TBC1D16: variants seen among roughly 807,000 people sequenced by gnomAD.
The protein encoded by TBC1D16 is CTD-2529O21.1.
A neutral mutation model predicts 74.7 loss-of-function variants in TBC1D16; 58 were observed. That is an observed-to-expected ratio of 0.78 (90% CI 0.63 to 0.97). The LOEUF is 0.97. Ranked by LOEUF, TBC1D16 falls within the 50% of genes least tolerant of loss-of-function variation. The probability of loss-of-function intolerance (pLI) is 0.00; values close to 1 mark genes in which losing one functional copy is unlikely to be tolerated. For missense variants in TBC1D16, 1,014 were observed against 1,079.5 expected, an observed-to-expected ratio of 0.94 and a Z score of 0.85; for synonymous variants, 493 against 474.7, an observed-to-expected ratio of 1.04 and a Z score of -0.50.
Position 79,937,185 on chromosome 17 carries a change from T to G in TBC1D16, c.*3674A>C, listed in dbSNP as rs1456466840. On this transcript the variant is annotated 3_prime_UTR_variant, in exon 12 of 12. Transcript: ENST00000310924. ...CCCAGAGGGCACAGCTTGGGCAGAT[T>G]CCCATCATCTAGGGGCTGTGCCCCA... 1 of 116,764 alleles carries G rather than the reference T, an allele frequency of 8.6e-6. No homozygotes were observed. Among genetic ancestry groups the G allele is most frequent in the East Asian group, 2.9e-4 (1 of 3,432 alleles). 7.2% of individuals were successfully genotyped at this position (116,764 alleles called of 1,614,324 possible).
chr17:79,949,757 G>A lies in TBC1D16; in HGVS notation c.1366C>T (p.Leu456=), dbSNP rs1169851458. 6 of 1,613,358 alleles carry A rather than the reference G, an allele frequency of 3.7e-6. No homozygotes were observed. Among genetic ancestry groups the A allele is most frequent in the Non-Finnish European group, 5.1e-6 (6 of 1,179,858 alleles). ...TCAGAGTACTCCTTTCGCTTCTGCA[G>A]CCGCAGCGCCTCCCGCTCCTCCGAC... ...STSEEREALR[L]QKRKEYSEIQ... Residue 456 remains leucine (L), a synonymous_variant, in exon 7 of 12, where the codon CTG becomes TTG. Transcript: ENST00000310924.
chr17:79,986,387 C>T lies in TBC1D16; in HGVS notation c.779+23773G>A, dbSNP rs1347956408. 6.6e-6 allele frequency among the ~76,000 whole-genome samples: 1 copy of T among 152,212 alleles called. No individual in the cohort carries two copies. The highest frequency in any genetic ancestry group is 1.5e-5 in the Non-Finnish European group (1 of 68,040). The stretch of plus-strand genomic sequence containing the variant: ...AGTCTGGGCAGACGCAAATGTGCAG[C>T]GTTTCAAAGCAAAGCTCAAGAGTGG... On this transcript the variant is annotated intron_variant, in intron 3 of 11. Coordinates refer to ENST00000310924, the MANE Select transcript of TBC1D16 (RefSeq NM_019020.4). The surrounding 1 kb of genome is among the most constrained non-coding windows in gnomAD (Gnocchi z 6.0).
intron 1 of TBC1D16, among the ~76,000 whole-genome samples, chr17:80,033,078 C>A (rs377401703): frequency 1.1e-3 from 168 of 152,316 alleles, no homozygotes; most frequent in African/African-American, 3.4e-3. Context: ...ATGGACCACA[C>A]AAAGGGGAGT....
chr17:79,967,092 T>TA lies in TBC1D16; in HGVS notation c.780-14275dup, dbSNP rs899767110. ...GTTATCTATGAAAAACCAACAACTA[T>TA]AAAAAAAACCCCACAAATTTAAGTG... is the stretch of plus-strand genomic sequence containing the variant. On this transcript the variant is annotated intron_variant, in intron 3 of 11. Transcript: ENST00000310924. Among the ~76,000 whole-genome samples the TA allele has an allele frequency of 4.0e-5, 6 of 151,766 alleles. No homozygotes were observed. In the East Asian group the frequency reaches 5.8e-4, roughly 15 times the overall value.
At chr17:79,996,991 A>C (rs1214362617) in intron 3 of TBC1D16, among the ~76,000 whole-genome samples, 2 of 152,206 alleles carry the variant, frequency 1.3e-5, no homozygotes, top group African/African-American at 2.4e-5. Context: ...GACAGCTTGG[A>C]TAGAGCTTCA....
intron 1 of TBC1D16, among the ~76,000 whole-genome samples, chr17:80,019,872 T>C (rs1290818162): frequency 6.7e-6 from 1 of 149,910 alleles, no homozygotes; most frequent in Non-Finnish European, 1.5e-5. Flanking sequence ...AGGTGAAGTA[T>C]ACTTATGATA....
intron 1 of TBC1D16, among the ~76,000 whole-genome samples, chr17:80,023,280 C>T (rs984541464): frequency 2.0e-5 from 3 of 150,076 alleles, no homozygotes; most frequent in Admixed American, 1.3e-4. Context: ...CCAGCTGCTC[C>T]CCTCCCCTTT....
chr17:80,023,913 C>T (rs76672408), intron 1 of TBC1D16: 16 of 150,294 alleles, frequency 1.1e-4, no homozygotes, highest in Non-Finnish European at 2.2e-4. Context: ...GAAGAGAAAT[C>T]TGAGTTTAAC....
intron 3 of TBC1D16, among the ~76,000 whole-genome samples, chr17:79,960,779 C>CA (rs746450905): frequency 1.2e-4 from 4 of 33,946 alleles, no homozygotes; most frequent in African/African-American, 2.1e-4. Flanking sequence ...AACAAAAACC[C>CA]AAAAAAAAAA....
intron 1 of TBC1D16, 142 bp from the exon 2 acceptor site, chr17:80,013,751 G>A: frequency 2.0e-6 from 1 of 489,802 alleles, no homozygotes; most frequent in Non-Finnish European, 3.5e-6. Flanking sequence ...TACAGGGTAG[G>A]CCACGTTCTC....
chr17:79,978,922 G>C (rs1568606450), intron 3 of TBC1D16, among the ~76,000 whole-genome samples: 1 of 152,220 alleles, frequency 6.6e-6, no homozygotes, highest in Non-Finnish European at 1.5e-5. Context: ...CCAGGCTTTT[G>C]AGAGCCAATC....
intron 8 of TBC1D16, 101 bp downstream of exon 8, chr17:79,948,771 G>T: frequency 1.4e-6 from 2 of 1,456,320 alleles, no homozygotes; most frequent in Non-Finnish European, 1.9e-6. Flanking sequence ...CTGGAAGAGA[G>T]CCCCTGCAGA....
intron 1 of TBC1D16, among the ~76,000 whole-genome samples, chr17:80,015,409 G>A (rs2036051766): frequency 2.0e-5 from 3 of 152,096 alleles, no homozygotes; most frequent in Admixed American, 2.0e-4. Context: ...ACTCCAGCCT[G>A]GGCGACAGAG....
intron 1 of TBC1D16, among the ~76,000 whole-genome samples, chr17:80,018,762 C>T (rs1012168323): frequency 6.7e-6 from 1 of 149,230 alleles, no homozygotes; most frequent in African/African-American, 2.6e-5. Flanking sequence ...CACCAGGTCC[C>T]GCTAATTTTT....
At position 79,987,097 on chromosome 17, in the gene TBC1D16, C is replaced by T. The variant is rs2034870275; in HGVS notation, c.779+23063G>A. On this transcript the variant is annotated intron_variant, in intron 3 of 11. Coordinates refer to ENST00000310924, the MANE Select transcript of TBC1D16 (RefSeq NM_019020.4). The surrounding 1 kb of genome is among the most constrained non-coding windows in gnomAD (Gnocchi z 5.2). ...CACGGGCTGTGCCCAGTGTCGCTGC[C>T]CAAGGCAGAACTGGCTGCCCACCAG... is the stretch of plus-strand genomic sequence containing the variant. Among the ~76,000 whole-genome samples the T allele has an allele frequency of 6.6e-6, 1 of 152,152 alleles. No individual in the cohort carries two copies.
At chr17:80,025,372 A>T (rs2036540304) in intron 1 of TBC1D16, among the ~76,000 whole-genome samples, 1 of 149,936 alleles carries the variant, frequency 6.7e-6, no homozygotes, top group Admixed American at 6.6e-5. Flanking sequence ...CTCCCTACCC[A>T]GCCCCCATGC....
In TBC1D16 at chr17:79,936,945, T is replaced by C. The variant is rs916355353; in HGVS notation, c.*3914A>G. 4 of 147,132 alleles carry C rather than the reference T, an allele frequency of 2.7e-5. No individual in the cohort carries two copies. The highest frequency in any genetic ancestry group is 9.9e-5 in the African/African-American group (4 of 40,470). 9.1% of individuals were successfully genotyped at this position (147,132 alleles called of 1,614,324 possible). A position where few individuals can be genotyped will look rare whatever the true frequency, so the allele number is the denominator to read the frequency against. ...GTGTGTGTGTGTGTGTGTGTGCGCA[T>C]TTTCCCAGGGGACCTCTCCTCCTTC... On this transcript the variant is annotated 3_prime_UTR_variant, in exon 12 of 12. Coordinates refer to ENST00000310924, the MANE Select transcript of TBC1D16 (RefSeq NM_019020.4).
At position 80,001,522 on chromosome 17, in the gene TBC1D16, CAG is replaced by C. The variant is rs964267712; in HGVS notation, c.779+8636_779+8637del. ...TGGGCGGGGGTTCCTGGAGCATCCTCAGGGGGCGGCGGGCGCTCTCGGGGTAT... is the reference window on the plus strand; with the variant it reads ...TGGGCGGGGGTTCCTGGAGCATCCTCGGGGCGGCGGGCGCTCTCGGGGTAT... On this transcript the variant is annotated intron_variant, in intron 3 of 11. Transcript: ENST00000310924. The surrounding 1 kb of genome is among the most constrained non-coding windows in gnomAD (Gnocchi z 5.8). Among the ~76,000 whole-genome samples, 15 of 152,174 alleles carry C rather than the reference CAG, an allele frequency of 9.9e-5. No individual in the cohort carries two copies. Among genetic ancestry groups the C allele is most frequent in the African/African-American group, 3.6e-4 (15 of 41,540 alleles).
Position 79,986,848 on chromosome 17 carries a change from C to T in TBC1D16, c.779+23312G>A, listed in dbSNP as rs534986467. Among the ~76,000 whole-genome samples the T allele has an allele frequency of 4.6e-5, 7 of 152,318 alleles. No individual in the cohort carries two copies. The highest frequency in any genetic ancestry group is 2.0e-4 in the Admixed American group (3 of 15,300). Reference sequence around the variant, plus strand: ...TGGGGGTGAACGAGAAGCCTGAGGCCGGGCCGGTGGGAGGGCGTGATGCAT... The same window carrying T: ...TGGGGGTGAACGAGAAGCCTGAGGCTGGGCCGGTGGGAGGGCGTGATGCAT... On this transcript the variant is annotated intron_variant, in intron 3 of 11. Coordinates refer to ENST00000310924, the MANE Select transcript of TBC1D16 (RefSeq NM_019020.4). The surrounding 1 kb of genome is among the most constrained non-coding windows in gnomAD (Gnocchi z 6.0).
Sources: gnomAD v4.1 joint callset for allele counts (sites outside exome capture counted in the v4.1 genomes callset) on GRCh38, gnomAD v4.1.1 for gene constraint, Gnocchi (gnomAD v3.1) non-coding constraint, MANE v1.5 for transcripts, NCBI Gene and HGNC (gene_info 2026-07-23, HGNC 2026-07-21) for gene names.